PSMA1: variants seen among roughly 807,000 people sequenced by gnomAD.
PSMA1 encodes the protein proteasome subunit alpha type-1.
PSMA1 carries 3 observed loss-of-function variants against 38.4 expected under a neutral mutation model. That is an observed-to-expected ratio of 0.08 (90% CI 0.04 to 0.20). The LOEUF (loss-of-function observed/expected upper bound fraction) is 0.20, where lower values mean the gene tolerates loss of function less well. Among genes scored for constraint, PSMA1 ranks in the 10% least tolerant of loss-of-function variants. The pLI, the probability that PSMA1 is intolerant of heterozygous loss-of-function variation, is 1.00. For synonymous variants in PSMA1, 101 were observed against 107.1 expected (o/e 0.94, Z 0.35); for missense variants, 227 against 325.3 (o/e 0.70, Z 2.32).
intron 2 of PSMA1, among the ~76,000 whole-genome samples, chr11:14,535,974 C>T (rs961327723): frequency 6.6e-6 from 1 of 152,004 alleles, no homozygotes; most frequent in African/African-American, 2.4e-5. Context: ...CATTAAAACC[C>T]CAAGAAACCA....
intron 2 of PSMA1, 23 bp from the exon 3 acceptor site, chr11:14,518,004 A>G (rs1851463081): frequency 6.7e-7 from 1 of 1,483,622 alleles, no homozygotes; most frequent in East Asian, 2.3e-5. Context: ...AAAACAAAAA[A>G]CACACATCTT....
upstream of PSMA1, chr11:14,520,483 C>A: frequency 2.0e-6 from 3 of 1,468,106 alleles, no homozygotes; most frequent in African/African-American, 2.8e-5. Flanking sequence ...TAAAACTTTC[C>A]GACCGCTCGG....
chr11:14,555,615 C>G (rs897680435), intron 2 of PSMA1, among the ~76,000 whole-genome samples: 5 of 152,150 alleles, frequency 3.3e-5, no homozygotes, highest in Non-Finnish European at 7.4e-5. Context: ...GCCATTTCTT[C>G]TGGTGCTTGT....
chr11:14,524,867 C>T (rs1490965622), upstream of PSMA1, among the ~76,000 whole-genome samples: 1 of 152,130 alleles, frequency 6.6e-6, no homozygotes, highest in Non-Finnish European at 1.5e-5. Flanking sequence ...ATCCAACTTG[C>T]CTGGCAGCCA....
chr11:14,519,385 TAA>T (rs937611442), intron 1 of PSMA1, among the ~76,000 whole-genome samples: 1 of 152,230 alleles, frequency 6.6e-6, no homozygotes, highest in Non-Finnish European at 1.5e-5. Context: ...AATAAATGGT[TAA>T]AAGTCTTCCT....
At chr11:14,567,403 A>T (rs1355334108) in intron 2 of PSMA1, among the ~76,000 whole-genome samples, 1 of 152,226 alleles carries the variant, frequency 6.6e-6, no homozygotes, top group Non-Finnish European at 1.5e-5. Context: ...AAGGTACAGG[A>T]AGTGAAAATG....
At chr11:14,625,246 T>C (rs1852896738) in intron 1 of PSMA1, among the ~76,000 whole-genome samples, 1 of 152,130 alleles carries the variant, frequency 6.6e-6, no homozygotes, top group South Asian at 2.1e-4. Flanking sequence ...GTCAGGAGTT[T>C]GAGACCAGTC....
intron 2 of PSMA1, among the ~76,000 whole-genome samples, chr11:14,595,521 T>C (rs1051441192): frequency 1.3e-5 from 2 of 152,248 alleles, no homozygotes; most frequent in African/African-American, 4.8e-5. Flanking sequence ...GAGCATTTTT[T>C]CATGTGTCTG....
intron 2 of PSMA1, among the ~76,000 whole-genome samples, chr11:14,606,002 T>C (rs1396825270): frequency 6.6e-6 from 1 of 152,244 alleles, no homozygotes; most frequent in Non-Finnish European, 1.5e-5. Flanking sequence ...AGAATTCTTC[T>C]AGTTTCTGGT....
intron 2 of PSMA1, among the ~76,000 whole-genome samples, chr11:14,590,842 T>A (rs957482416): frequency 6.6e-6 from 1 of 152,220 alleles, no homozygotes; most frequent in Non-Finnish European, 1.5e-5. Context: ...GACTCACAAT[T>A]AGGCAATGGT....
intron 2 of PSMA1, among the ~76,000 whole-genome samples, chr11:14,584,439 G>A (rs1296717119): frequency 2.6e-5 from 4 of 151,726 alleles, no homozygotes; most frequent in Non-Finnish European, 4.4e-5. Context: ...ATGGCTCAGA[G>A]GCATCAAAAT....
exon 1 of PSMA1, chr11:14,643,489 AT>A (rs1329200072): frequency 6.6e-6 from 1 of 152,242 alleles, no homozygotes; most frequent in Non-Finnish European, 1.5e-5. Flanking sequence ...GGGTCCCAGG[AT>A]GGCTGGCTTG....
chr11:14,629,199 C>T (rs1343376578), intron 1 of PSMA1, among the ~76,000 whole-genome samples: 7 of 152,058 alleles, frequency 4.6e-5, no homozygotes, highest in African/African-American at 7.2e-5. Context: ...ATTTTGGCTT[C>T]TGTTGCCATT....
At chr11:14,520,092 G>T in intron 1 of PSMA1, 1 of 733,224 alleles carries the variant, frequency 1.4e-6, no homozygotes, top group Non-Finnish European at 2.3e-6. Flanking sequence ...GGAAGCGAAA[G>T]CGGTGGAAAG....
At chr11:14,590,692 T>G (rs1294306357) in intron 2 of PSMA1, among the ~76,000 whole-genome samples, 2 of 152,158 alleles carry the variant, frequency 1.3e-5, no homozygotes, top group Non-Finnish European at 2.9e-5. Context: ...CCAAGAGAGA[T>G]CGTAGCGGGG....
At chr11:14,593,620 G>C (rs1359659722) in intron 2 of PSMA1, among the ~76,000 whole-genome samples, 5 of 31,452 alleles carry the variant, frequency 1.6e-4, no homozygotes, top group Non-Finnish European at 3.0e-4. Context: ...AAATGAGAGA[G>C]AGAGAGAGAG....
chr11:14,607,340 A>C (rs1256688082), intron 2 of PSMA1, among the ~76,000 whole-genome samples: 1 of 152,256 alleles, frequency 6.6e-6, no homozygotes, highest in Non-Finnish European at 1.5e-5. Context: ...TCAGCAGACT[A>C]TCAAGATAAT....
chr11:14,560,630 G>A (rs1026188013), intron 2 of PSMA1, among the ~76,000 whole-genome samples: 2 of 152,210 alleles, frequency 1.3e-5, no homozygotes, highest in Non-Finnish European at 2.9e-5. Context: ...CACTGTGAGC[G>A]ATGGTAAGCA....
chr11:14,521,690 C>A (rs1394163947), upstream of PSMA1, among the ~76,000 whole-genome samples: 3 of 139,970 alleles, frequency 2.1e-5, no homozygotes, highest in East Asian at 2.2e-4. Flanking sequence ...CGCTTGAACC[C>A]GGGAGGCGGA....
Sources: allele counts gnomAD v4.1 joint callset (sites outside exome capture counted in the v4.1 genomes callset), GRCh38; gene constraint gnomAD v4.1.1; transcripts MANE v1.5; gene names NCBI Gene and HGNC (gene_info 2026-07-23, HGNC 2026-07-21).